Variants in RGS5 observed in about 807,000 individuals in gnomAD.
RGS5 encodes regulator of G protein signaling 5.
Under a neutral mutation model 18.9 loss-of-function variants are expected in RGS5, and 20 were observed. The observed-to-expected ratio is 1.06, with a 90% CI of 0.74 to 1.54. The LOEUF is 1.54. Among genes scored for constraint, RGS5 ranks in the 40% most tolerant of loss-of-function variants. The pLI is 0.00. For missense variants in RGS5, 201 were observed against 211.8 expected (o/e 0.95, Z 0.32); for synonymous variants, 57 against 76.2 (o/e 0.75, Z 1.31).
chr1:163,232,152 C>T (rs1054456749), intron 2 of RGS5, among the ~76,000 whole-genome samples: 11 of 152,070 alleles, frequency 7.2e-5, no homozygotes, highest in Non-Finnish European at 1.3e-4. Context: ...TAAGTGGTTG[C>T]TTATACTTAA....
intron 1 of RGS5, among the ~76,000 whole-genome samples, chr1:163,308,267 A>ATTC (rs1649760168): frequency 2.6e-5 from 4 of 152,202 alleles, no homozygotes; most frequent in African/African-American, 4.8e-5. Context: ...CCATTCTAAA[A>ATTC]TAGAATGAAA....
intron 1 of RGS5, among the ~76,000 whole-genome samples, chr1:163,172,985 A>C (rs1658373850): frequency 1.3e-5 from 2 of 152,226 alleles, no homozygotes; most frequent in African/African-American, 2.4e-5. Context: ...AAACCAAATG[A>C]AAAATTCAAA....
At chr1:163,151,732 T>G (rs889984353) in intron 4 of RGS5, among the ~76,000 whole-genome samples, 2 of 152,354 alleles carry the variant, frequency 1.3e-5, no homozygotes, top group African/African-American at 2.4e-5. Flanking sequence ...CATGCGGAAC[T>G]GTGAGTCAAT....
intron 1 of RGS5, chr1:163,321,546 T>A (rs1650209949): frequency 6.6e-6 from 1 of 152,234 alleles, no homozygotes; most frequent in Non-Finnish European, 1.5e-5. Flanking sequence ...GAGATGATGC[T>A]TATAAGCATC....
At chr1:163,289,349 A>G (rs1441974010) in intron 2 of RGS5, among the ~76,000 whole-genome samples, 1 of 151,974 alleles carries the variant, frequency 6.6e-6, no homozygotes, top group Non-Finnish European at 1.5e-5. Context: ...CCTCCTCCAG[A>G]AAGGATTTTC....
At chr1:163,313,855 T>C (rs911751614) in intron 1 of RGS5, among the ~76,000 whole-genome samples, 2 of 152,100 alleles carry the variant, frequency 1.3e-5, no homozygotes, top group Non-Finnish European at 2.9e-5. Context: ...AGTGTAAGCG[T>C]TTGAGATTAG....
intron 1 of RGS5, among the ~76,000 whole-genome samples, chr1:163,174,772 G>A (rs2102408448): frequency 6.6e-6 from 1 of 152,264 alleles, no homozygotes; most frequent in Middle Eastern, 3.4e-3. Context: ...TAGCCCTGGG[G>A]CATAGGCTAT....
At chr1:163,274,281 C>A (rs909828755) in intron 2 of RGS5, among the ~76,000 whole-genome samples, 2 of 151,822 alleles carry the variant, frequency 1.3e-5, no homozygotes, top group South Asian at 2.1e-4. Context: ...TTCAGCCCCA[C>A]CCACTGACCT....
chr1:163,206,071 G>A (rs1659946274), upstream of RGS5, among the ~76,000 whole-genome samples: 1 of 152,138 alleles, frequency 6.6e-6, no homozygotes, highest in Non-Finnish European at 1.5e-5. Flanking sequence ...TAAACCATAA[G>A]CAAGCTCAAT....
intron 1 of RGS5, among the ~76,000 whole-genome samples, chr1:163,318,078 C>A (rs1033926182): frequency 2.0e-5 from 3 of 151,982 alleles, no homozygotes; most frequent in African/African-American, 7.3e-5. Flanking sequence ...CTTGCAAGAG[C>A]CCTAAAAAAT....
At chr1:163,219,362 G>T (rs1660286522), upstream of RGS5, among the ~76,000 whole-genome samples, 2 of 152,090 alleles carry the variant, frequency 1.3e-5, no homozygotes, top group East Asian at 1.9e-4. Flanking sequence ...GTACTCTTTT[G>T]TGTCAGGCCT....
At chr1:163,283,148 G>T (rs1385859430) in intron 2 of RGS5, among the ~76,000 whole-genome samples, 2 of 152,054 alleles carry the variant, frequency 1.3e-5, no homozygotes, top group Admixed American at 6.5e-5. Context: ...GGGGAGAAAG[G>T]AAAGGGGGAG....
At chr1:163,278,360 AG>A (rs1648909173) in intron 2 of RGS5, among the ~76,000 whole-genome samples, 3 of 152,176 alleles carry the variant, frequency 2.0e-5, no homozygotes. Flanking sequence ...GCTGGAAAAA[AG>A]TACTATACCC....
At chr1:163,297,352 C>G (rs893461680) in intron 2 of RGS5, among the ~76,000 whole-genome samples, 3 of 152,144 alleles carry the variant, frequency 2.0e-5, no homozygotes, top group African/African-American at 7.2e-5. Context: ...CCAGTGATAG[C>G]TGGACACACG....
intron 2 of RGS5, among the ~76,000 whole-genome samples, chr1:163,226,304 CA>C (rs1227708500): frequency 1.3e-5 from 2 of 152,162 alleles, no homozygotes; most frequent in African/African-American, 2.4e-5. Flanking sequence ...TCACTGGGTA[CA>C]TTTAAATGCT....
intron 2 of RGS5, among the ~76,000 whole-genome samples, chr1:163,282,078 G>T (rs1649008276): frequency 6.6e-6 from 1 of 151,762 alleles, no homozygotes; most frequent in Non-Finnish European, 1.5e-5. Context: ...AACAAAAATA[G>T]ACATATAGGA....
At chr1:163,180,923 C>T (rs989016063) in intron 1 of RGS5, among the ~76,000 whole-genome samples, 3 of 151,754 alleles carry the variant, frequency 2.0e-5, no homozygotes, top group African/African-American at 7.3e-5. Flanking sequence ...CTCGATATCC[C>T]GACCTCGTGA....
chr1:163,291,540 C>T (rs1195135746), intron 2 of RGS5, among the ~76,000 whole-genome samples: 1 of 152,182 alleles, frequency 6.6e-6, no homozygotes, highest in Non-Finnish European at 1.5e-5. Flanking sequence ...AGATATGCAA[C>T]TTCCCCAATT....
chr1:163,274,839 T>C (rs1648810877), intron 2 of RGS5, among the ~76,000 whole-genome samples: 1 of 152,170 alleles, frequency 6.6e-6, no homozygotes, highest in African/African-American at 2.4e-5. Flanking sequence ...CTGGTATCAC[T>C]TACAAGGTGG....
Sources: gnomAD v4.1 joint callset for allele counts (sites outside exome capture counted in the v4.1 genomes callset) on GRCh38, gnomAD v4.1.1 for gene constraint, MANE v1.5 for transcripts, NCBI Gene and HGNC (gene_info 2026-07-23, HGNC 2026-07-21) for gene names.